The following DNAAF9 variants were observed in gnomAD, a reference collection of about 807,000 sequenced individuals.
DNAAF9 encodes the protein dynein axonemal assembly factor 9.
DNAAF9 carries 90 observed loss-of-function variants against 167.0 expected under a neutral mutation model. That is an observed-to-expected ratio of 0.54 (90% confidence interval 0.45 to 0.64). The LOEUF is 0.64. DNAAF9 is among the 30% of genes least tolerant of loss of function. The pLI, the probability that DNAAF9 is intolerant of heterozygous loss-of-function variation, is 0.00. For missense variants in DNAAF9, 1,315 were observed against 1,442.2 expected, an observed-to-expected ratio of 0.91 and a Z score of 1.43; for synonymous variants, 491 against 508.8, an observed-to-expected ratio of 0.96 and a Z score of 0.47.
chr20:3,370,996 T>G (rs996710299), intron 6 of DNAAF9, among the ~76,000 whole-genome samples: 1 of 152,198 alleles, frequency 6.6e-6, no homozygotes, highest in African/African-American at 2.4e-5. Flanking sequence ...AATTTAATTC[T>G]TTCCTTTCAA....
At chr20:3,285,610 C>T (rs566914671) in intron 27 of DNAAF9, among the ~76,000 whole-genome samples, 68 of 148,580 alleles carry the variant, frequency 4.6e-4, no homozygotes, top group African/African-American at 1.0e-3. Context: ...ACCCAGGAGG[C>T]GGAGGTTGCA....
In DNAAF9 at chr20:3,252,353, CT is replaced by C. The variant is rs1282996332; in HGVS notation, c.*218del. 6.4e-6 allele frequency: 3 copies of C among 467,758 alleles called. No individual in the cohort carries two copies. Among genetic ancestry groups the C allele is most frequent in the African/African-American group, 4.0e-5 (2 of 50,598 alleles). The allele number at this position is 467,758 out of a possible 1,614,324, so 29.0% of individuals were successfully genotyped here. On this transcript the variant is annotated 3_prime_UTR_variant, in exon 37 of 37. Coordinates refer to ENST00000252032, the MANE Select transcript of DNAAF9 (RefSeq NM_001009984.3). Reference sequence around the variant, plus strand: ...GACGGGCAGGCCCCATCTGCTCATCCTTGAGTATTCCCCCGACCCCCAAAAT... The same window carrying C: ...GACGGGCAGGCCCCATCTGCTCATCCTGAGTATTCCCCCGACCCCCAAAAT...
intron 20 of DNAAF9, among the ~76,000 whole-genome samples, chr20:3,310,682 C>T (rs2069399318): frequency 7.2e-6 from 1 of 139,652 alleles, no homozygotes; most frequent in South Asian, 2.2e-4. Flanking sequence ...GAGACTTAGT[C>T]TCAAGAAAAA....
At chr20:3,396,951 A>G (rs866015861) in intron 1 of DNAAF9, among the ~76,000 whole-genome samples, 55 of 152,224 alleles carry the variant, frequency 3.6e-4, no homozygotes, top group African/African-American at 1.2e-3. Flanking sequence ...GAGACCGATT[A>G]AGACTCTACT....
At chr20:3,322,799 G>T in intron 14 of DNAAF9, 103 bp from the exon 15 acceptor site, 1 of 839,564 alleles carries the variant, frequency 1.2e-6, no homozygotes, top group Non-Finnish European at 2.1e-6. Context: ...ACAGTGAGGT[G>T]TGTGTCATCC....
intron 1 of DNAAF9, among the ~76,000 whole-genome samples, 153 bp downstream of exon 1, chr20:3,407,322 C>T (rs1296135347): frequency 6.6e-6 from 1 of 152,144 alleles, no homozygotes; most frequent in Non-Finnish European, 1.5e-5. Flanking sequence ...CAGAGGGCGC[C>T]GTTCCTGGGA....
chr20:3,370,657 C>G (rs2083495035), intron 6 of DNAAF9, among the ~76,000 whole-genome samples: 1 of 152,186 alleles, frequency 6.6e-6, no homozygotes, highest in Admixed American at 6.5e-5. Context: ...ATCCACCCGC[C>G]TCAGCCTCCT....
At chr20:3,407,168 G>A (rs1486267916) in intron 1 of DNAAF9, among the ~76,000 whole-genome samples, 5 of 152,102 alleles carry the variant, frequency 3.3e-5, no homozygotes, top group Non-Finnish European at 7.4e-5. Flanking sequence ...ATGGGGGTGA[G>A]GACGTCATAA....
chr20:3,297,629 G>A (rs1215906646), intron 22 of DNAAF9, among the ~76,000 whole-genome samples: 1 of 152,120 alleles, frequency 6.6e-6, no homozygotes, highest in African/African-American at 2.4e-5. Context: ...TATCTATAAA[G>A]TGCAGCCTGC....
chr20:3,330,294 G>C (rs1195910796), intron 12 of DNAAF9, among the ~76,000 whole-genome samples: 4 of 152,062 alleles, frequency 2.6e-5, no homozygotes, highest in Non-Finnish European at 5.9e-5. Context: ...TGCCAAGAGT[G>C]CAGTGGTGCA....
Position 3,294,667 on chromosome 20 carries a change from T to G in DNAAF9, c.2019-38A>C, listed in dbSNP as rs41281884. ...AAGCTCACAGATTAGAAGTCCATCT[T>G]CCTTCAGCATATACACTTTACACAA... On this transcript the variant is annotated intron_variant, in intron 23 of 36. Transcript: ENST00000252032. 6,291 of 1,325,122 alleles carry G rather than the reference T, an allele frequency of 4.7e-3. 22 individuals carry two copies. Among genetic ancestry groups the G allele is most frequent in the Middle Eastern group, 0.014 (75 of 5,506 alleles). The allele number at this position is 1,325,122 out of a possible 1,614,324, so 82.1% of individuals were successfully genotyped here.
chr20:3,359,076 G>A (rs1447955442), intron 7 of DNAAF9, among the ~76,000 whole-genome samples: 1 of 152,080 alleles, frequency 6.6e-6, no homozygotes, highest in African/African-American at 2.4e-5. Context: ...GAGACCATAA[G>A]GCACACAAAG....
intron 1 of DNAAF9, among the ~76,000 whole-genome samples, chr20:3,387,884 TAAAAAAAAAAAAA>T (rs557861791): frequency 0.011 from 984 of 87,396 alleles, 11 homozygotes; most frequent in Non-Finnish European, 0.014. Context: ...CTACAAAAAG[TAAAAAAAAAAAAA>T]AAAAAAAAAA....
At chr20:3,398,753 T>G (rs1320476223) in intron 1 of DNAAF9, among the ~76,000 whole-genome samples, 1 of 152,210 alleles carries the variant, frequency 6.6e-6, no homozygotes, top group South Asian at 2.1e-4. Flanking sequence ...TAAAAAGAGC[T>G]CATTGCAGGA....
chr20:3,375,810 T>C (rs1004224506), intron 4 of DNAAF9, among the ~76,000 whole-genome samples: 1 of 151,382 alleles, frequency 6.6e-6, no homozygotes, highest in Admixed American at 6.6e-5. Context: ...ACTGTGCCAC[T>C]GCACTCCAGC....
chr20:3,407,613 C>G lies in DNAAF9; in HGVS notation c.-56G>C. 1 of 1,202,754 alleles carries G rather than the reference C, an allele frequency of 8.3e-7. No individual in the cohort carries two copies. Among genetic ancestry groups the G allele is most frequent in the Admixed American group, 4.4e-5 (1 of 22,558 alleles). The allele number at this position is 1,202,754 out of a possible 1,614,324, so 74.5% of individuals were successfully genotyped here. A position where few individuals can be genotyped will look rare whatever the true frequency, so the allele number is the denominator to read the frequency against. On this transcript the variant is annotated 5_prime_UTR_variant, in exon 1 of 37. Coordinates refer to ENST00000252032, the MANE Select transcript of DNAAF9 (RefSeq NM_001009984.3). ...GGTGCAGCTGCGAGGGTCTCAGTTG[C>G]CCGCAGGGCGGCTCCACGCTAGCTG...
intron 27 of DNAAF9, among the ~76,000 whole-genome samples, chr20:3,286,488 G>C (rs1199456429): frequency 6.6e-6 from 1 of 152,200 alleles, no homozygotes; most frequent in Non-Finnish European, 1.5e-5. Context: ...GGGGCAGGCA[G>C]TAAAGGAGGT....
At chr20:3,292,495 G>A (rs955154880) in intron 25 of DNAAF9, among the ~76,000 whole-genome samples, 17 of 152,124 alleles carry the variant, frequency 1.1e-4, no homozygotes, top group Admixed American at 1.0e-3. Context: ...GGCTGGGCGC[G>A]GTGGCTCATG....
At chr20:3,380,132 C>G (rs190370928) in intron 3 of DNAAF9, among the ~76,000 whole-genome samples, 1 of 152,188 alleles carries the variant, frequency 6.6e-6, no homozygotes, top group Non-Finnish European at 1.5e-5. Context: ...AATTTCAGTA[C>G]TGTAATGTCC....
Sources: gnomAD v4.1 joint callset for allele counts (sites outside exome capture counted in the v4.1 genomes callset) on GRCh38, gnomAD v4.1.1 for gene constraint, MANE v1.5 for transcripts, NCBI Gene and HGNC (gene_info 2026-07-23, HGNC 2026-07-21) for gene names.